Variants in MEI1 observed in about 807,000 individuals in gnomAD.
MEI1 encodes meiotic double-stranded break formation protein 1.
In MEI1, 103 loss-of-function variants were observed where a neutral mutation model predicts 146.2. The ratio of observed to expected loss-of-function variants is 0.70; its 90% CI spans 0.60 to 0.83. MEI1 has a LOEUF of 0.83. Among genes scored for constraint, MEI1 ranks in the 40% least tolerant of loss-of-function variants. MEI1 has a pLI of 0.00. For missense variants in MEI1, 1,529 were observed against 1,533.0 expected (o/e 1.00, Z 0.04); for synonymous variants, 652 against 628.2 (o/e 1.04, Z -0.57).
chr22:41,743,340 T>A, intron 12 of MEI1, 146 bp downstream of exon 12: 1 of 568,374 alleles, frequency 1.8e-6, no homozygotes, highest in Non-Finnish European at 3.2e-6. Flanking sequence ...TTTTCCCTAA[T>A]AGCAGAACTA....
chr22:41,778,546 A>T, intron 21 of MEI1, 162 bp from the exon 22 acceptor site: 2 of 592,646 alleles, frequency 3.4e-6, no homozygotes, highest in Non-Finnish European at 6.0e-6. Flanking sequence ...CCTGTTCTAA[A>T]TGAAGAAAGA....
intron 6 of MEI1, among the ~76,000 whole-genome samples, chr22:41,720,639 A>G (rs2070687798): frequency 7.0e-6 from 1 of 143,404 alleles, no homozygotes; most frequent in Non-Finnish European, 1.5e-5. Context: ...ACAGTTGCCC[A>G]GGCTGGAGTG....
intron 3 of MEI1, among the ~76,000 whole-genome samples, chr22:41,712,707 AATAT>A (rs980837611): frequency 4.6e-5 from 5 of 109,798 alleles, no homozygotes; most frequent in Non-Finnish European, 8.8e-5. Context: ...TGTGTGGAGC[AATAT>A]ATATATATAT....
chr22:41,722,399 G>A (rs2070937032), intron 6 of MEI1, among the ~76,000 whole-genome samples: 1 of 151,724 alleles, frequency 6.6e-6, no homozygotes, highest in South Asian at 2.1e-4. Flanking sequence ...CTGGCCTCAA[G>A]TGATCCTCTC....
rs55994680 is a variant in MEI1 at position 41,716,686 on chromosome 22, C to CT, written c.529+558dup. ...CCACCACGCTGGCCTTCCATTCATT[C>CT]TTTTTTTTTTTTTTTTTTCCCTGAG... is the stretch of plus-strand genomic sequence containing the variant. On this transcript the variant is annotated intron_variant, in intron 5 of 30. Coordinates refer to ENST00000401548, the MANE Select transcript of MEI1 (RefSeq NM_152513.4). 2.6e-3 allele frequency among the ~76,000 whole-genome samples: 284 copies of CT among 108,114 alleles called. 2 individuals carry two copies. Among genetic ancestry groups the CT allele is most frequent in the African/African-American group, 9.1e-3 (245 of 26,868 alleles). 70.9% of individuals were successfully genotyped at this position (108,114 alleles called of 152,430 possible).
intron 7 of MEI1, among the ~76,000 whole-genome samples, chr22:41,728,869 A>C (rs2071592867): frequency 6.7e-6 from 1 of 148,990 alleles, no homozygotes; most frequent in Non-Finnish European, 1.5e-5. Context: ...TCAAAAAAAA[A>C]CAAAATAGTA....
chr22:41,785,123 G>A (rs2075912770), intron 26 of MEI1, among the ~76,000 whole-genome samples: 1 of 150,722 alleles, frequency 6.6e-6, no homozygotes, highest in African/African-American at 2.4e-5. Flanking sequence ...TTTTAGTAGA[G>A]ACGGGGTTTC....
chr22:41,766,588 C>A (rs971945573), intron 19 of MEI1, among the ~76,000 whole-genome samples: 11 of 151,980 alleles, frequency 7.2e-5, no homozygotes, highest in African/African-American at 2.7e-4. Context: ...GCTCTGTCAC[C>A]CAGACTGGAG....
chr22:41,768,107 C>T (rs981096238), intron 19 of MEI1, among the ~76,000 whole-genome samples: 1 of 152,076 alleles, frequency 6.6e-6, no homozygotes, highest in South Asian at 2.1e-4. Flanking sequence ...TTAGGCCGGG[C>T]GCAGTTGCTC....
chr22:41,783,260 C>G (rs2075830365), intron 24 of MEI1, among the ~76,000 whole-genome samples: 1 of 152,136 alleles, frequency 6.6e-6, no homozygotes, highest in East Asian at 1.9e-4. Flanking sequence ...TATAACACCC[C>G]CCCTCACCCC....
At chr22:41,751,743 G>C (rs529793150) in intron 15 of MEI1, among the ~76,000 whole-genome samples, 9 of 141,836 alleles carry the variant, frequency 6.3e-5, no homozygotes, top group African/African-American at 2.4e-4. Flanking sequence ...TTGCACTCTA[G>C]TCTGGGCAAC....
intron 26 of MEI1, among the ~76,000 whole-genome samples, chr22:41,792,214 C>T (rs2076204702): frequency 6.6e-6 from 1 of 152,132 alleles, no homozygotes; most frequent in Admixed American, 6.6e-5. Context: ...TAAGCTAGGG[C>T]TCTGGGTGCT....
intron 17 of MEI1, among the ~76,000 whole-genome samples, chr22:41,757,731 A>G (rs1381386168): frequency 1.3e-5 from 2 of 152,120 alleles, no homozygotes; most frequent in South Asian, 2.1e-4. Flanking sequence ...CATGTCCTGC[A>G]ATTGCCTGTC....
chr22:41,729,462 T>C (rs2071666522), intron 7 of MEI1, among the ~76,000 whole-genome samples: 1 of 152,238 alleles, frequency 6.6e-6, no homozygotes, highest in African/African-American at 2.4e-5. Context: ...TGTTCTTTCC[T>C]TATTTTTCTC....
In MEI1 at chr22:41,732,403, G is replaced by A. The variant is rs2071943462; in HGVS notation, c.1196+59G>A. On this transcript the variant is annotated intron_variant, in intron 10 of 30. Coordinates refer to ENST00000401548, the MANE Select transcript of MEI1 (RefSeq NM_152513.4). ...GGCCAGACTGCAGAAGGAAAAGTGG[G>A]CTTTCACTCCTGGTGGGGTCAGTGA... 7 of 1,613,434 alleles carry A rather than the reference G, an allele frequency of 4.3e-6. No individual in the cohort carries two copies. In the Admixed American group the frequency reaches 1.0e-4, roughly 23 times the overall value.
intron 15 of MEI1, among the ~76,000 whole-genome samples, chr22:41,748,826 T>C (rs2073527550): frequency 6.6e-6 from 1 of 151,834 alleles, no homozygotes; most frequent in South Asian, 2.1e-4. Flanking sequence ...TTGTCTGAGA[T>C]TGAGTCTCGC....
chr22:41,726,481 C>G (rs917174639), intron 7 of MEI1, among the ~76,000 whole-genome samples: 1 of 152,118 alleles, frequency 6.6e-6, no homozygotes, highest in Admixed American at 6.6e-5. Flanking sequence ...AATCACAAAA[C>G]TGAAGTGTAA....
At chr22:41,757,779 G>A (rs537705418) in intron 17 of MEI1, among the ~76,000 whole-genome samples, 1 of 152,268 alleles carries the variant, frequency 6.6e-6, no homozygotes, top group South Asian at 2.1e-4. Flanking sequence ...CCAGTTCCTG[G>A]AGGTAGGGCC....
At chr22:41,712,671 G>GGTGTGTGTGTGT (rs1191178804) in intron 3 of MEI1, among the ~76,000 whole-genome samples, 105 of 56,260 alleles carry the variant, frequency 1.9e-3, no homozygotes, top group African/African-American at 6.9e-3. Context: ...AATAGAAATA[G>GGTGTGTGTGTGT]ATGTGTGTGT....
Sources: gnomAD v4.1 joint callset for allele counts (sites outside exome capture counted in the v4.1 genomes callset) on GRCh38, gnomAD v4.1.1 for gene constraint, MANE v1.5 for transcripts, NCBI Gene and HGNC (gene_info 2026-07-23, HGNC 2026-07-21) for gene names.